The following NCOA5 variants were observed in gnomAD, a reference collection of about 807,000 sequenced individuals.
NCOA5 encodes NCoA-5.
Under a neutral mutation model 59.0 loss-of-function variants are expected in NCOA5, and 12 were observed. That is an observed-to-expected ratio of 0.20 (90% CI 0.13 to 0.33). The LOEUF (loss-of-function observed/expected upper bound fraction) is 0.33, where lower values mean the gene tolerates loss of function less well. Among genes scored for constraint, NCOA5 ranks in the 10% least tolerant of loss-of-function variants. The pLI is 1.00. For missense variants in NCOA5, 655 were observed against 766.6 expected, an observed-to-expected ratio of 0.85 and a Z score of 1.72; for synonymous variants, 270 against 275.5, an observed-to-expected ratio of 0.98 and a Z score of 0.20.
intron 1 of NCOA5, among the ~76,000 whole-genome samples, chr20:46,080,326 G>A (rs1222888920): frequency 3.9e-5 from 6 of 152,102 alleles, no homozygotes; most frequent in Non-Finnish European, 8.8e-5. Context: ...AATAATACCT[G>A]ACAGTTTTCA....
intron 6 of NCOA5, 51 bp from the exon 7 acceptor site, chr20:46,063,731 C>T: frequency 6.5e-7 from 1 of 1,534,850 alleles, no homozygotes. Context: ...TATTTAAGTG[C>T]CCACCTGCTG....
At chr20:46,078,432 C>G (rs2084960394) in intron 2 of NCOA5, among the ~76,000 whole-genome samples, 1 of 152,230 alleles carries the variant, frequency 6.6e-6, no homozygotes, top group African/African-American at 2.4e-5. Flanking sequence ...TCACTGTATG[C>G]AGCACTGTCC....
At chr20:46,064,333 C>T (rs548621917) in intron 6 of NCOA5, among the ~76,000 whole-genome samples, 8 of 152,212 alleles carry the variant, frequency 5.3e-5, no homozygotes, top group East Asian at 3.9e-4. Context: ...AGAGATCCTG[C>T]GTATAGTGGG....
intron 2 of NCOA5, among the ~76,000 whole-genome samples, chr20:46,078,717 T>A (rs2084963795): frequency 6.6e-6 from 1 of 152,146 alleles, no homozygotes; most frequent in African/African-American, 2.4e-5. Context: ...AAAGCTCTTC[T>A]TTGAGAGGAG....
At chr20:46,078,236 G>C (rs929112205) in intron 2 of NCOA5, among the ~76,000 whole-genome samples, 2 of 152,180 alleles carry the variant, frequency 1.3e-5, no homozygotes, top group African/African-American at 2.4e-5. Flanking sequence ...ATCTATTCCC[G>C]GTAGCTAGAA....
Position 46,079,461 on chromosome 20 carries a change from G to T in NCOA5, c.-29-8C>A, listed in dbSNP as rs745316659. The T allele has an allele frequency of 2.5e-6, 4 of 1,605,888 alleles. No individual in the cohort carries two copies. Among genetic ancestry groups the T allele is most frequent in the Admixed American group, 1.7e-5 (1 of 59,962 alleles). On this transcript the variant is annotated splice_region_variant and splice_polypyrimidine_tract_variant and intron_variant, in intron 1 of 7. Transcript: ENST00000290231. ...CCGCTGCCTTATTAATATCTGAAAA[G>T]AATAATCAACCCATCTGTTCAATGC...
chr20:46,067,276 A>G lies in NCOA5; in HGVS notation c.503-95T>C, dbSNP rs1483848630. 5.0e-6 allele frequency: 7 copies of G among 1,407,406 alleles called. No homozygotes were observed. In the African/African-American group the frequency reaches 8.6e-5, roughly 17 times the overall value. 87.2% of individuals were successfully genotyped at this position (1,407,406 alleles called of 1,614,324 possible). A position where few individuals can be genotyped will look rare whatever the true frequency, so the allele number is the denominator to read the frequency against. On this transcript the variant is annotated intron_variant, in intron 4 of 7. Transcript: ENST00000290231. ...GGCAAAGGTCATAATACTCTGAATCAATCCTCTGGTCTATCTCCTAAAAAC... is the reference window on the plus strand; with the variant it reads ...GGCAAAGGTCATAATACTCTGAATCGATCCTCTGGTCTATCTCCTAAAAAC...
chr20:46,083,436 G>A (rs571247932), intron 1 of NCOA5, among the ~76,000 whole-genome samples: 5 of 152,290 alleles, frequency 3.3e-5, no homozygotes, highest in African/African-American at 7.2e-5. Flanking sequence ...AAACGCCTCT[G>A]CTCAGCTCAT....
chr20:46,062,683 G>A lies in NCOA5; in HGVS notation c.1357C>T (p.Pro453Ser). The change falls in exon 8 of 8, where the codon CCC becomes TCC. Residue 453 changes from proline (P) to serine (S), a missense_variant. Around this residue, in one of 3 missense-constraint regions of NCOA5, gnomAD observed 325 missense variants for 353.2 expected, o/e 0.92. Transcript: ENST00000290231. ...TVTANSSSAS[P>S]SVAAGNTPNQ... Reference sequence around the variant, plus strand: ...GGGGTGTTTCCGGCAGCAACCGAGGGGGATGCAGAGCTGCTATTGGCCGTC... The same window carrying A: ...GGGGTGTTTCCGGCAGCAACCGAGGAGGATGCAGAGCTGCTATTGGCCGTC... The A allele has an allele frequency of 6.2e-7, 1 of 1,614,112 alleles. No homozygotes were observed. Among genetic ancestry groups the A allele is most frequent in the Non-Finnish European group, 8.5e-7 (1 of 1,179,964 alleles).
Position 46,062,342 on chromosome 20 carries a change from C to T in NCOA5, c.1698G>A (p.Gly566=), listed in dbSNP as rs775034278. ...HLVSQTTAQM[G]QPQAPMGSYQ... Reference sequence around the variant, plus strand: ...AAGATCCCATGGGGGCCTGTGGCTGCCCCATCTGTGCTGTGGTCTGGCTAA... The same window carrying T: ...AAGATCCCATGGGGGCCTGTGGCTGTCCCATCTGTGCTGTGGTCTGGCTAA... Residue 566 remains glycine, a synonymous_variant, in exon 8 of 8, where the codon GGG becomes GGA. Transcript: ENST00000290231. 3 of 1,613,542 alleles carry T rather than the reference C, an allele frequency of 1.9e-6. No homozygotes were observed. Among genetic ancestry groups the T allele is most frequent in the Admixed American group, 1.7e-5 (1 of 60,006 alleles).
rs200765706 is a variant in NCOA5 at position 46,062,595 on chromosome 20, T to C, written c.1445A>G (p.Asn482Ser). Residue 482 changes from asparagine to serine, a missense_variant, in exon 8 of 8, where the codon AAT becomes AGT. Asn to Ser is a conservative substitution (Grantham distance 46, BLOSUM62 1). This residue lies in a region of NCOA5 where 325 missense variants were observed against 353.2 expected (regional missense o/e 0.92). Transcript: ENST00000290231. Reference sequence around the variant, plus strand: ...CTGTCCCAAAATGCTTGGAGGCTGATTGCCAGAAGCCTGTGATCTTTGTTG... The same window carrying C: ...CTGTCCCAAAATGCTTGGAGGCTGACTGCCAGAAGCCTGTGATCTTTGTTG... ...QPQQRSQASG[N>S]QPPSILGQGG... The C allele has an allele frequency of 1.1e-4, 181 of 1,614,212 alleles. No individual in the cohort carries two copies. Among genetic ancestry groups the C allele is most frequent in the Non-Finnish European group, 1.4e-4 (165 of 1,180,024 alleles).
At chr20:46,064,835 G>T (rs771389198) in intron 6 of NCOA5, among the ~76,000 whole-genome samples, 194 bp downstream of exon 6, 8 of 152,172 alleles carry the variant, frequency 5.3e-5, no homozygotes, top group Admixed American at 2.0e-4. Flanking sequence ...TAAGTATAGT[G>T]TAACAGAGAT....
intron 5 of NCOA5, among the ~76,000 whole-genome samples, chr20:46,066,111 G>C (rs1032854359): frequency 3.3e-5 from 5 of 152,080 alleles, no homozygotes; most frequent in Non-Finnish European, 7.4e-5. Flanking sequence ...CCTAGTCACT[G>C]CCTTGAAATT....
At chr20:46,063,903 G>A (rs2084794650) in intron 6 of NCOA5, among the ~76,000 whole-genome samples, 1 of 152,094 alleles carries the variant, frequency 6.6e-6, no homozygotes, top group African/African-American at 2.4e-5. Flanking sequence ...TATACAGCTG[G>A]TTCTTTGGGG....
intron 1 of NCOA5, among the ~76,000 whole-genome samples, chr20:46,087,686 G>C (rs1379927819): frequency 1.3e-5 from 2 of 152,124 alleles, no homozygotes; most frequent in Non-Finnish European, 1.5e-5. Flanking sequence ...TTGAACCCGG[G>C]GGCCAAGATC....
chr20:46,085,124 G>C (rs2085032673), intron 1 of NCOA5, among the ~76,000 whole-genome samples: 1 of 152,086 alleles, frequency 6.6e-6, no homozygotes, highest in African/African-American at 2.4e-5. Flanking sequence ...TCAAACTCCT[G>C]AACTCAAGCG....
In NCOA5 at chr20:46,062,119, A is replaced by G. The variant is rs548924792; in HGVS notation, c.*181T>C. 2 of 555,464 alleles carry G rather than the reference A, an allele frequency of 3.6e-6. No individual in the cohort carries two copies. The highest frequency in any genetic ancestry group is 5.6e-5 in the East Asian group (2 of 35,500). 34.4% of individuals were successfully genotyped at this position (555,464 alleles called of 1,614,324 possible). A position where few individuals can be genotyped will look rare whatever the true frequency, so the allele number is the denominator to read the frequency against. On this transcript the variant is annotated 3_prime_UTR_variant, in exon 8 of 8. Transcript: ENST00000290231. ...AAAGATACAGCCCCAAATGCAGTAT[A>G]AACTTTGTAAGGAATAAGCAACACA...
intron 2 of NCOA5, among the ~76,000 whole-genome samples, chr20:46,073,687 C>G (rs1406351204): frequency 3.3e-5 from 5 of 152,202 alleles, no homozygotes; most frequent in Non-Finnish European, 7.3e-5. Context: ...AGACCACACA[C>G]AAAGCCTTGG....
Position 46,077,207 on chromosome 20 carries a change from G to A in NCOA5, c.38+2180C>T, listed in dbSNP as rs1219974533. Among the ~76,000 whole-genome samples, 3 of 152,282 alleles carry A rather than the reference G, an allele frequency of 2.0e-5. No homozygotes were observed. The East Asian group carries it at 5.8e-4, about 29-fold the overall frequency. On this transcript the variant is annotated intron_variant, in intron 2 of 7. Transcript: ENST00000290231. ...TCACAGGTGTGGGCCACTGTGCCTG[G>A]CTAGAAGCTCATTTTATAAGGCCCT...
Sources: gnomAD v4.1 joint callset for allele counts (sites outside exome capture counted in the v4.1 genomes callset) on GRCh38, gnomAD v4.1.1 for gene constraint, gnomAD v4.1.1 regional missense constraint, MANE v1.5 for transcripts, NCBI Gene and HGNC (gene_info 2026-07-23, HGNC 2026-07-21) for gene names.